Variants in PCED1B observed in about 807,000 individuals in gnomAD.
PCED1B encodes the protein PC-esterase domain-containing protein 1B.
For missense variants in PCED1B, 573 were observed against 573.9 expected (o/e 1.00, Z 0.02); for synonymous variants, 251 against 246.1 (o/e 1.02, Z -0.19).
intron 2 of PCED1B, among the ~76,000 whole-genome samples, chr12:47,196,368 G>A (rs1942602443): frequency 6.6e-6 from 1 of 152,154 alleles, no homozygotes. Context: ...CCATAAAATG[G>A]AGATAATAGT....
At chr12:47,220,118 A>G (rs1264549155) in intron 3 of PCED1B, among the ~76,000 whole-genome samples, 2 of 151,836 alleles carry the variant, frequency 1.3e-5, no homozygotes, top group Non-Finnish European at 2.9e-5. Context: ...TACATTGTCA[A>G]AAGAATAGTT....
At chr12:47,116,633 T>C (rs1939433703) in intron 2 of PCED1B, among the ~76,000 whole-genome samples, 1 of 152,220 alleles carries the variant, frequency 6.6e-6, no homozygotes, top group Non-Finnish European at 1.5e-5. Flanking sequence ...TTGAGCCAAA[T>C]TATTTGCCAA....
At chr12:47,118,410 G>A (rs554154412) in intron 2 of PCED1B, among the ~76,000 whole-genome samples, 1 of 152,100 alleles carries the variant, frequency 6.6e-6, no homozygotes, top group South Asian at 2.1e-4. Flanking sequence ...TCTACATATG[G>A]CTAGCCAGTT....
At chr12:47,130,592 G>A (rs1283737806) in intron 2 of PCED1B, among the ~76,000 whole-genome samples, 1 of 152,176 alleles carries the variant, frequency 6.6e-6, no homozygotes, top group Admixed American at 6.5e-5. Context: ...AGGAGGCTAA[G>A]GCAGGAGGAT....
intron 1 of PCED1B, among the ~76,000 whole-genome samples, chr12:47,095,330 T>G (rs1395881203): frequency 6.6e-6 from 1 of 152,166 alleles, no homozygotes; most frequent in African/African-American, 2.4e-5. Context: ...GTTGCTTCTT[T>G]GAAGCTAATT....
intron 2 of PCED1B, among the ~76,000 whole-genome samples, chr12:47,134,005 T>C (rs1940240694): frequency 6.6e-6 from 1 of 152,198 alleles, no homozygotes; most frequent in South Asian, 2.1e-4. Context: ...TGGCGTCTGA[T>C]TTTGGGCTTC....
chr12:47,188,564 T>G (rs907607812), intron 2 of PCED1B, among the ~76,000 whole-genome samples: 2 of 152,252 alleles, frequency 1.3e-5, no homozygotes, highest in East Asian at 3.8e-4. Context: ...TTCAGGACGA[T>G]ACTGCTTCTC....
chr12:47,176,820 A>G (rs899337388), intron 2 of PCED1B, among the ~76,000 whole-genome samples: 4 of 151,992 alleles, frequency 2.6e-5, no homozygotes, highest in African/African-American at 7.3e-5. Context: ...GCTATTTCCA[A>G]TGTCAACTGG....
intron 1 of PCED1B, among the ~76,000 whole-genome samples, chr12:47,091,419 T>C (rs1185401938): frequency 6.6e-6 from 1 of 152,154 alleles, no homozygotes; most frequent in African/African-American, 2.4e-5. Flanking sequence ...CATTCTAGAT[T>C]TGTGTTTTTT....
chr12:47,104,942 C>T (rs1938879886), intron 2 of PCED1B, among the ~76,000 whole-genome samples: 1 of 152,204 alleles, frequency 6.6e-6, no homozygotes, highest in Admixed American at 6.5e-5. Context: ...ACCATGGAGA[C>T]TGGGCAGGGA....
intron 2 of PCED1B, among the ~76,000 whole-genome samples, chr12:47,120,126 C>T (rs1181127770): frequency 6.6e-6 from 1 of 152,002 alleles, no homozygotes. Context: ...CAAATGAAAG[C>T]TACAATGAGA....
At chr12:47,082,957 G>C (rs1419187077) in intron 1 of PCED1B, among the ~76,000 whole-genome samples, 2 of 150,154 alleles carry the variant, frequency 1.3e-5, no homozygotes, top group Non-Finnish European at 3.0e-5. Context: ...TGACTCCAAG[G>C]GATAGTAGAA....
Position 47,235,532 on chromosome 12 carries a change from T to G in PCED1B, c.469T>G (p.Ser157Ala). ...FQCLGQVLPE[S>A]CLLVWNTAMP... ...GTGCCTGGGCCAGGTGCTGCCCGAG[T>G]CTTGCCTCCTGGTGTGGAACACGGC... The change falls in exon 4 of 4, where the codon TCT becomes GCT. Residue 157 changes from serine (S) to alanine (A), a missense_variant. Transcript: ENST00000546455. 1 of 1,611,192 alleles carries G rather than the reference T, an allele frequency of 6.2e-7. No homozygotes were observed. Among genetic ancestry groups the G allele is most frequent in the Non-Finnish European group, 8.5e-7 (1 of 1,178,178 alleles).
At chr12:47,079,782 G>C (rs2137118614) in intron 1 of PCED1B, 57 bp downstream of exon 1, 1 of 150,158 alleles carries the variant, frequency 6.7e-6, no homozygotes, top group East Asian at 2.0e-4. Context: ...CCCGCTCCCA[G>C]AGCCGGGGCC....
Position 47,235,061 on chromosome 12 carries a change from G to C in PCED1B, c.-3G>C, listed in dbSNP as rs968978474. On this transcript the variant is annotated 5_prime_UTR_variant, in exon 4 of 4. Transcript: ENST00000546455. The stretch of plus-strand genomic sequence containing the variant: ...AGGAGCTAGGCTGTGCGCCCTGGGC[G>C]TCATGATCCTTCTGCGGGCCTCCGA... The C allele has an allele frequency of 3.3e-6, 5 of 1,524,122 alleles. No homozygotes were observed. Among genetic ancestry groups the C allele is most frequent in the Admixed American group, 2.2e-5 (1 of 45,320 alleles). The allele number at this position is 1,524,122 out of a possible 1,614,324, so 94.4% of individuals were successfully genotyped here. A position where few individuals can be genotyped will look rare whatever the true frequency, so the allele number is the denominator to read the frequency against.
At chr12:47,086,641 G>A (rs1448124657) in intron 1 of PCED1B, among the ~76,000 whole-genome samples, 1 of 152,182 alleles carries the variant, frequency 6.6e-6, no homozygotes, top group Non-Finnish European at 1.5e-5. Flanking sequence ...TCAAAACTAT[G>A]CATCTAGAAT....
At chr12:47,125,927 T>C (rs77613336) in intron 2 of PCED1B, among the ~76,000 whole-genome samples, 19 of 152,202 alleles carry the variant, frequency 1.2e-4, no homozygotes, top group Admixed American at 3.9e-4. Flanking sequence ...TTTCTACATA[T>C]AAAGATATCT....
At chr12:47,108,468 G>T (rs1029547094) in intron 2 of PCED1B, among the ~76,000 whole-genome samples, 1 of 152,130 alleles carries the variant, frequency 6.6e-6, no homozygotes, top group Non-Finnish European at 1.5e-5. Context: ...GTTCCCAAAT[G>T]TACATCAGAT....
intron 2 of PCED1B, among the ~76,000 whole-genome samples, chr12:47,140,705 C>A (rs555937260): frequency 6.6e-6 from 1 of 152,036 alleles, no homozygotes; most frequent in Non-Finnish European, 1.5e-5. Context: ...ACAGAATTTT[C>A]CTTTAATCAT....
Sources: gnomAD v4.1 joint callset for allele counts (sites outside exome capture counted in the v4.1 genomes callset) on GRCh38, gnomAD v4.1.1 for gene constraint, MANE v1.5 for transcripts, NCBI Gene and HGNC (gene_info 2026-07-23, HGNC 2026-07-21) for gene names.